The following KAT14 variants were observed in gnomAD, a reference collection of about 807,000 sequenced individuals.
The protein encoded by KAT14 is lysine acetyltransferase 14, also known as cysteine-rich protein 2-binding protein.
Under a neutral mutation model 78.4 loss-of-function variants are expected in KAT14, and 66 were observed. That is an observed-to-expected ratio of 0.84 (90% CI 0.69 to 1.03). The LOEUF is 1.03. KAT14 is among the 50% of genes least tolerant of loss of function. The pLI is 0.00. For synonymous variants in KAT14, 344 were observed against 359.4 expected (o/e 0.96, Z 0.48); for missense variants, 870 against 972.5 (o/e 0.89, Z 1.40).
rs957690578 is a variant in KAT14, at chr20:18,181,816, A to G, written c.1775A>G (p.Tyr592Cys). 20 of 1,614,062 alleles carry G rather than the reference A, an allele frequency of 1.2e-5. No homozygotes were observed. The highest frequency in any genetic ancestry group is 6.7e-5 in the African/African-American group (5 of 74,928). ...MAVDQSIVSP[Y>C]TSRILKPYIR... ...GTGGACCAGAGTATTGTCAGCCCTT[A>G]TACCTCTCGGATCTTGAAACCTTAT... The change falls in exon 8 of 11, where the codon TAT becomes TGT. Residue 592 changes from tyrosine to cysteine, a missense_variant. Tyr to Cys is a radical substitution (Grantham distance 194). Coordinates refer to ENST00000688188, the MANE Select transcript of KAT14 (RefSeq NM_001392073.1).
At chr20:18,137,447 G>A (rs796796042), upstream of KAT14, among the ~76,000 whole-genome samples, 2 of 152,206 alleles carry the variant, frequency 1.3e-5, no homozygotes, top group South Asian at 2.1e-4. Context: ...GCCTAACGAG[G>A]CGGTCTCCTG....
chr20:18,153,669 A>G (rs184512629), intron 4 of KAT14, among the ~76,000 whole-genome samples: 35 of 152,336 alleles, frequency 2.3e-4, no homozygotes, highest in African/African-American at 7.5e-4. Flanking sequence ...TAACATGCCA[A>G]TGAAAGGCAT....
chr20:18,152,161 A>C (rs1274638750), intron 4 of KAT14, among the ~76,000 whole-genome samples: 1 of 152,128 alleles, frequency 6.6e-6, no homozygotes, highest in Non-Finnish European at 1.5e-5. Flanking sequence ...TATTCTTTTA[A>C]GCTGTGTGTG....
At chr20:18,185,150 G>T (rs1266992171) in intron 10 of KAT14, among the ~76,000 whole-genome samples, 1 of 152,058 alleles carries the variant, frequency 6.6e-6, no homozygotes, top group African/African-American at 2.4e-5. Context: ...GAGAAGTGAG[G>T]GTAGGACTAT....
At chr20:18,142,169 G>A in intron 1 of KAT14, 39 bp from the exon 2 acceptor site, 1 of 1,528,024 alleles carries the variant, frequency 6.5e-7, no homozygotes, top group South Asian at 1.2e-5. Context: ...GGGACCACCT[G>A]TTCGGGATGT....
At position 18,183,518 on chromosome 20, in the gene KAT14, T is replaced by G. The variant is rs572600821; in HGVS notation, c.1981+220T>G. 18 of 985,154 alleles carry G rather than the reference T, an allele frequency of 1.8e-5. No individual in the cohort carries two copies. In the African/African-American group the frequency reaches 3.0e-4, roughly 16 times the overall value. The allele number at this position is 985,154 out of a possible 1,614,324, so 61.0% of individuals were successfully genotyped here. A position where few individuals can be genotyped will look rare whatever the true frequency, so the allele number is the denominator to read the frequency against. ...TGTTTTTGTTTGTTTCTCTTCCCTG[T>G]TTGTCTCTGTTTCCAGAGTAAAAGA... On this transcript the variant is annotated intron_variant, in intron 9 of 10. Coordinates refer to ENST00000688188, the MANE Select transcript of KAT14 (RefSeq NM_001392073.1).
Position 18,187,547 on chromosome 20 carries a change from G to C in KAT14, c.*88G>C. On this transcript the variant is annotated 3_prime_UTR_variant, in exon 11 of 11. Transcript: ENST00000688188. ...AAGGCAGTGATTGATTTCACAGGGA[G>C]CTCTAATCTCTGTGATTACATGGTC... 6.4e-7 allele frequency: 1 copy of C among 1,565,724 alleles called. No individual in the cohort carries two copies. The highest frequency in any genetic ancestry group is 8.6e-7 in the Non-Finnish European group (1 of 1,158,218).
In KAT14 at chr20:18,138,063, G is replaced by A. The variant is rs1481966638; in HGVS notation, c.-454+12G>A. ...AGTGGGACCAGCAGGTCGGTGTCAC[G>A]TGACCGTCTCTTCCGGGCCCGCGCG... On this transcript the variant is annotated intron_variant, in intron 1 of 10. Transcript: ENST00000688188. The A allele has an allele frequency of 2.0e-6, 3 of 1,468,412 alleles. No homozygotes were observed. Among genetic ancestry groups the A allele is most frequent in the Non-Finnish European group, 1.8e-6 (2 of 1,115,556 alleles). The allele number at this position is 1,468,412 out of a possible 1,614,324, so 91.0% of individuals were successfully genotyped here. A position where few individuals can be genotyped will look rare whatever the true frequency, so the allele number is the denominator to read the frequency against.
chr20:18,137,919 C>T lies in KAT14; in HGVS notation c.-586C>T. The T allele has an allele frequency of 1.4e-6, 2 of 1,462,818 alleles. No homozygotes were observed. Among genetic ancestry groups the T allele is most frequent in the Non-Finnish European group, 1.8e-6 (2 of 1,114,420 alleles). 90.6% of individuals were successfully genotyped at this position (1,462,818 alleles called of 1,614,324 possible). On this transcript the variant is annotated 5_prime_UTR_variant, in exon 1 of 11. Transcript: ENST00000688188. Reference sequence around the variant, plus strand: ...TCTGCGGCGGCCTCTGCGCCTCGGGCGGGCGGGAGAGAGAGGCCGCGGCCG... The same window carrying T: ...TCTGCGGCGGCCTCTGCGCCTCGGGTGGGCGGGAGAGAGAGGCCGCGGCCG...
At position 18,184,630 on chromosome 20, in the gene KAT14, C is replaced by T. The variant is rs143172468; in HGVS notation, c.2010C>T (p.Tyr670=). The T allele has an allele frequency of 2.6e-4, 413 of 1,613,220 alleles. 1 individual carries two copies. The highest frequency in any genetic ancestry group is 3.4e-4 in the Non-Finnish European group (397 of 1,179,822). The change falls in exon 10 of 11, where the codon TAC becomes TAT. Residue 670 remains tyrosine (Y), a synonymous_variant. Transcript: ENST00000688188. The part of the protein sequence containing the change: ...PGIDLSECLQ[Y]PDFSVVVLYK... ...TTGACCTGTCTGAGTGTCTGCAGTA[C>T]CCAGACTTCAGTGTTGTTGTTCTTT... is the stretch of plus-strand genomic sequence containing the variant.
chr20:18,138,800 A>G (rs1464081174), intron 1 of KAT14, among the ~76,000 whole-genome samples: 2 of 152,140 alleles, frequency 1.3e-5, no homozygotes, highest in Non-Finnish European at 2.9e-5. Flanking sequence ...TCAAGTTGAC[A>G]GACCTTTAAT....
chr20:18,141,195 A>G (rs1005413055), intron 1 of KAT14, among the ~76,000 whole-genome samples: 3 of 151,824 alleles, frequency 2.0e-5, no homozygotes, highest in African/African-American at 7.3e-5. Context: ...TAAAACCTTT[A>G]GAGTATTTTG....
intron 3 of KAT14, among the ~76,000 whole-genome samples, chr20:18,146,536 G>A (rs2037832655): frequency 6.6e-6 from 1 of 152,186 alleles, no homozygotes; most frequent in Non-Finnish European, 1.5e-5. Flanking sequence ...GCACATGCCT[G>A]TAATCCCAGC....
At position 18,162,437 on chromosome 20, in the gene KAT14, C is replaced by T. The variant is rs779311671; in HGVS notation, c.1160C>T (p.Pro387Leu). 6.2e-7 allele frequency: 1 copy of T among 1,614,134 alleles called. No individual in the cohort carries two copies. The highest frequency in any genetic ancestry group is 1.7e-5 in the Admixed American group (1 of 60,008). Residue 387 changes from proline to leucine, a missense_variant, in exon 7 of 11, where the codon CCT becomes CTT. Coordinates refer to ENST00000688188, the MANE Select transcript of KAT14 (RefSeq NM_001392073.1). ...CCAGGGATGGAGTACGTCCCACCCC[C>T]TGCTGGGTCAGTAGCTTCTGGGCCA... is the stretch of plus-strand genomic sequence containing the variant. The part of the protein sequence containing the change: ...IDPGMEYVPP[P>L]AGSVASGPVV...
At chr20:18,138,429 C>T in intron 1 of KAT14, 3 of 1,005,724 alleles carry the variant, frequency 3.0e-6, no homozygotes, top group South Asian at 4.7e-5. Context: ...TCACTTGGGC[C>T]GCTAGAAAAT....
chr20:18,159,341 G>C (rs1038940106), intron 5 of KAT14, 76 bp downstream of exon 5: 3 of 1,522,924 alleles, frequency 2.0e-6, no homozygotes, highest in Non-Finnish European at 2.6e-6. Flanking sequence ...AGACGCTCCT[G>C]CTTCCACTGG....
intron 5 of KAT14, among the ~76,000 whole-genome samples, chr20:18,159,976 C>A (rs1375097215): frequency 6.6e-6 from 1 of 152,172 alleles, no homozygotes; most frequent in African/African-American, 2.4e-5. Context: ...TGCAGTGGTG[C>A]AATCTTTGCT....
chr20:18,175,808 C>T (rs2039017638), intron 7 of KAT14, among the ~76,000 whole-genome samples: 1 of 151,142 alleles, frequency 6.6e-6, no homozygotes, highest in Non-Finnish European at 1.5e-5. Context: ...CACTTGAGCT[C>T]AGGAGTTTGA....
At chr20:18,140,608 G>A (rs1341544829) in intron 1 of KAT14, among the ~76,000 whole-genome samples, 4 of 151,650 alleles carry the variant, frequency 2.6e-5, no homozygotes, top group Non-Finnish European at 5.9e-5. Context: ...TCAGGAGTTC[G>A]AGACCAGCCT....
Sources: gnomAD v4.1 joint callset for allele counts (sites outside exome capture counted in the v4.1 genomes callset) on GRCh38, gnomAD v4.1.1 for gene constraint, MANE v1.5 for transcripts, NCBI Gene and HGNC (gene_info 2026-07-23, HGNC 2026-07-21) for gene names.